Variants in ECPAS observed in about 807,000 individuals in gnomAD.
ECPAS encodes the protein proteasome adapter and scaffold protein ECM29.
Under a neutral mutation model 255.1 loss-of-function variants are expected in ECPAS, and 70 were observed. The ratio of observed to expected loss-of-function variants is 0.27; its 90% confidence interval spans 0.23 to 0.33. ECPAS has a LOEUF of 0.33. Among genes scored for constraint, ECPAS ranks in the 10% least tolerant of loss-of-function variants. The pLI is 1.00. For synonymous variants in ECPAS, 784 were observed against 775.0 expected, an observed-to-expected ratio of 1.01 and a Z score of -0.19; for missense variants, 1,817 against 2,206.4, an observed-to-expected ratio of 0.82 and a Z score of 3.54.
intron 1 of ECPAS, among the ~76,000 whole-genome samples, chr9:111,476,336 T>C (rs535497472): frequency 1.3e-5 from 2 of 152,310 alleles, no homozygotes; most frequent in Admixed American, 6.5e-5. Context: ...ATGTCAACTT[T>C]TCCATAAAGT....
In ECPAS at chr9:111,378,817, C is replaced by A. The variant is rs538524127; in HGVS notation, c.3804-87G>T. On this transcript the variant is annotated intron_variant, in intron 35 of 49. Coordinates refer to ENST00000684092, the MANE Select transcript of ECPAS (RefSeq NM_001364929.1). ...CTAACCATGAGGATGTTCTGCAGTT[C>A]ACTGCATTAAAGCATATTTTCACAT... The A allele has an allele frequency of 5.2e-5, 67 of 1,290,742 alleles. No individual in the cohort carries two copies. In the South Asian group the frequency reaches 1.0e-3, roughly 20 times the overall value. The allele number at this position is 1,290,742 out of a possible 1,614,324, so 80.0% of individuals were successfully genotyped here.
chr9:111,438,079 C>T (rs906368394), intron 6 of ECPAS, among the ~76,000 whole-genome samples: 2 of 152,060 alleles, frequency 1.3e-5, no homozygotes, highest in African/African-American at 2.4e-5. Flanking sequence ...TAAGGAATCG[C>T]TTTAATGTTA....
At position 111,408,554 on chromosome 9, in the gene ECPAS, G is replaced by A; in HGVS notation, c.2652+17C>T. 1 of 1,404,784 alleles carries A rather than the reference G, an allele frequency of 7.1e-7. No individual in the cohort carries two copies. The highest frequency in any genetic ancestry group is 2.5e-5 in the East Asian group (1 of 39,658). The allele number at this position is 1,404,784 out of a possible 1,614,324, so 87.0% of individuals were successfully genotyped here. On this transcript the variant is annotated intron_variant, in intron 24 of 49. Coordinates refer to ENST00000684092, the MANE Select transcript of ECPAS (RefSeq NM_001364929.1). ...CTTTTCTCTGAATAACTAACAATCA[G>A]GTAGCAATATAAATACCTCCACAGA...
intron 43 of ECPAS, among the ~76,000 whole-genome samples, chr9:111,370,993 C>T (rs567816127): frequency 2.0e-5 from 3 of 152,312 alleles, no homozygotes; most frequent in South Asian, 2.1e-4. Context: ...GCCTAAAGAA[C>T]TGATTCGACC....
At chr9:111,390,939 G>A (rs979952230) in intron 29 of ECPAS, among the ~76,000 whole-genome samples, 1 of 152,234 alleles carries the variant, frequency 6.6e-6, no homozygotes, top group Non-Finnish European at 1.5e-5. Context: ...TCAGCTGCCT[G>A]AGAGCTGACA....
Position 111,416,308 on chromosome 9 carries a change from G to A in ECPAS, c.1728C>T (p.Thr576=), listed in dbSNP as rs2098203429. The change falls in exon 18 of 50, where the codon ACC becomes ACT. Residue 576 remains threonine, a synonymous_variant. Transcript: ENST00000684092. ...MKTPVKYMTG[T]TVLPFNPAAF... Reference sequence around the variant, plus strand: ...CTGCTGGGTTAAATGGAAGGACAGTGGTCCCGGTCATGTACTTGACTGGAG... The same window carrying A: ...CTGCTGGGTTAAATGGAAGGACAGTAGTCCCGGTCATGTACTTGACTGGAG... 1.2e-6 allele frequency: 2 copies of A among 1,613,636 alleles called. No homozygotes were observed. Among genetic ancestry groups the A allele is most frequent in the South Asian group, 1.1e-5 (1 of 91,084 alleles).
chr9:111,465,291 G>A (rs1386459609), intron 2 of ECPAS, among the ~76,000 whole-genome samples: 1 of 152,110 alleles, frequency 6.6e-6, no homozygotes, highest in Non-Finnish European at 1.5e-5. Context: ...TGTAATCCCA[G>A]CACTTTGGGA....
intron 9 of ECPAS, among the ~76,000 whole-genome samples, chr9:111,428,764 G>A (rs532196937): frequency 1.3e-5 from 2 of 151,878 alleles, no homozygotes; most frequent in African/African-American, 4.8e-5. Context: ...AAAAAAAAAG[G>A]TTAGTTGCAA....
At chr9:111,439,496 T>G (rs572340856) in intron 6 of ECPAS, among the ~76,000 whole-genome samples, 9 of 152,274 alleles carry the variant, frequency 5.9e-5, no homozygotes, top group South Asian at 2.1e-4. Context: ...CTCAAACTTC[T>G]GGGCTCAAGG....
Position 111,393,734 on chromosome 9 carries a change from A to G in ECPAS, c.2923T>C (p.Ser975Pro), listed in dbSNP as rs547567623. The G allele has an allele frequency of 1.9e-6, 3 of 1,582,468 alleles. No homozygotes were observed. The East Asian group carries it at 6.7e-5, about 35-fold the overall frequency. ...RKLSTHKEVK[S>P]HLKEIQSAFV... ...GCACTTTGAATTTCTTTAAGATGAGACTGAAAGAAGAAAAAAGGCATTAGA... is the reference window on the plus strand; with the variant it reads ...GCACTTTGAATTTCTTTAAGATGAGGCTGAAAGAAGAAAAAAGGCATTAGA... The change falls in exon 27 of 50, where the codon TCT (serine) becomes CCT (proline). Residue 975 changes from serine (S) to proline (P), a missense_variant and splice_region_variant. Around this residue, in one of 4 missense-constraint regions of ECPAS, gnomAD observed 960 missense variants for 1,179.0 expected, o/e 0.81. Transcript: ENST00000684092.
chr9:111,450,808 G>A (rs2098259310), intron 3 of ECPAS, among the ~76,000 whole-genome samples: 1 of 152,156 alleles, frequency 6.6e-6, no homozygotes, highest in Non-Finnish European at 1.5e-5. Context: ...TGCACCTGTA[G>A]TCCCAGCTAC....
chr9:111,468,689 CGT>C (rs141517725), intron 2 of ECPAS, among the ~76,000 whole-genome samples: 10 of 149,992 alleles, frequency 6.7e-5, no homozygotes, highest in African/African-American at 1.2e-4. Context: ...CAAGCTCAAA[CGT>C]GTGTGTGTGT....
At chr9:111,463,120 C>G (rs1305984887) in intron 2 of ECPAS, among the ~76,000 whole-genome samples, 1 of 152,148 alleles carries the variant, frequency 6.6e-6, no homozygotes, top group African/African-American at 2.4e-5. Context: ...AAACAACCAA[C>G]ATTAGTTTCT....
chr9:111,411,026 G>A lies in ECPAS; in HGVS notation c.2331C>T (p.Thr777=), dbSNP rs2098193473. 3 of 1,613,528 alleles carry A rather than the reference G, an allele frequency of 1.9e-6. No individual in the cohort carries two copies. Among genetic ancestry groups the A allele is most frequent in the Non-Finnish European group, 2.5e-6 (3 of 1,179,760 alleles). Residue 777 remains threonine (T), a synonymous_variant, in exon 22 of 50, where the codon ACC becomes ACT. Coordinates refer to ENST00000684092, the MANE Select transcript of ECPAS (RefSeq NM_001364929.1). ...EQQDLERNAD[T]LPDQEELIQS... ...GAATGAGTTCCTCTTGATCAGGGAG[G>A]GTGTCAGCATTTCTCTCCAGGTCTT... is the stretch of plus-strand genomic sequence containing the variant.
intron 24 of ECPAS, among the ~76,000 whole-genome samples, chr9:111,398,806 G>A (rs1424603469): frequency 1.3e-5 from 2 of 152,106 alleles, no homozygotes; most frequent in African/African-American, 2.4e-5. Context: ...GCATGGTGGT[G>A]TAAGCCTGTA....
In ECPAS at chr9:111,458,127, G is replaced by A. The variant is rs544059561; in HGVS notation, c.23-6572C>T. Among the ~76,000 whole-genome samples the A allele has an allele frequency of 2.0e-5, 3 of 152,206 alleles. No homozygotes were observed. In the East Asian group the frequency reaches 5.8e-4, roughly 29 times the overall value. ...AACTATACATTATTAATATAGACTT[G>A]TGAAAGCCCAACTAATGATTCTCTC... is the stretch of plus-strand genomic sequence containing the variant. On this transcript the variant is annotated intron_variant, in intron 2 of 49. Transcript: ENST00000684092.
chr9:111,427,537 C>G (rs1006317049), intron 10 of ECPAS, among the ~76,000 whole-genome samples: 4 of 152,142 alleles, frequency 2.6e-5, no homozygotes, highest in African/African-American at 4.8e-5. Context: ...TGCTTAGGAT[C>G]AGAAGTGTTT....
intron 29 of ECPAS, among the ~76,000 whole-genome samples, chr9:111,390,466 C>T (rs1163912202): frequency 6.6e-6 from 1 of 152,188 alleles, no homozygotes; most frequent in African/African-American, 2.4e-5. Context: ...TTCCCTAAGT[C>T]TTTTCTAAGC....
At chr9:111,436,402 C>T (rs1449711494) in intron 7 of ECPAS, among the ~76,000 whole-genome samples, 1 of 152,172 alleles carries the variant, frequency 6.6e-6, no homozygotes, top group African/African-American at 2.4e-5. Context: ...ACATCTGTGT[C>T]CTGTTTAAAT....
Sources: allele counts gnomAD v4.1 joint callset (sites outside exome capture counted in the v4.1 genomes callset), GRCh38; gene constraint gnomAD v4.1.1; regional missense constraint gnomAD v4.1.1; transcripts MANE v1.5; gene names NCBI Gene and HGNC (gene_info 2026-07-23, HGNC 2026-07-21).